Variants in ENOX1 observed in about 807,000 individuals in gnomAD.
ENOX1 encodes ecto-NOX disulfide-thiol exchanger 1.
A neutral mutation model predicts 82.5 loss-of-function variants in ENOX1; 42 were observed. The observed-to-expected ratio is 0.51, with a 90% CI of 0.40 to 0.66. The LOEUF is 0.66. Among genes scored for constraint, ENOX1 ranks in the 30% least tolerant of loss-of-function variants. The pLI is 0.00. For synonymous variants in ENOX1, 271 were observed against 282.2 expected (o/e 0.96, Z 0.40); for missense variants, 608 against 811.6 (o/e 0.75, Z 3.05).
At chr13:43,628,476 G>A (rs530646269) in intron 2 of ENOX1, among the ~76,000 whole-genome samples, 1 of 152,138 alleles carries the variant, frequency 6.6e-6, no homozygotes, top group East Asian at 1.9e-4. Context: ...TCCTTGGTGA[G>A]ACTTTCTATT....
At chr13:43,614,490 AG>A (rs2082323988) in intron 2 of ENOX1, among the ~76,000 whole-genome samples, 1 of 151,180 alleles carries the variant, frequency 6.6e-6, no homozygotes, top group Non-Finnish European at 1.5e-5. Context: ...TCAAGCTAAA[AG>A]TGCAAACAGT....
At chr13:43,417,880 C>A (rs1030638594) in intron 3 of ENOX1, among the ~76,000 whole-genome samples, 1 of 152,170 alleles carries the variant, frequency 6.6e-6, no homozygotes, top group Non-Finnish European at 1.5e-5. Context: ...TCAGTTGGAG[C>A]ACAATATTTC....
rs537412115 is a variant in ENOX1 at position 43,669,451 on chromosome 13, C to T, written c.-284-1907G>A. On this transcript the variant is annotated intron_variant, in intron 1 of 16. Coordinates refer to ENST00000690772, the MANE Select transcript of ENOX1 (RefSeq NM_001347969.2). ...GTGCCCTCCTATCTCTAATTCAACT[C>T]CCTTCTTTTCCCTTTCAATCTGCCC... Among the ~76,000 whole-genome samples, 3 of 152,302 alleles carry T rather than the reference C, an allele frequency of 2.0e-5. No individual in the cohort carries two copies. In the South Asian group the frequency reaches 6.2e-4, roughly 32 times the overall value.
At chr13:43,417,963 C>T (rs903935255) in intron 3 of ENOX1, among the ~76,000 whole-genome samples, 3 of 152,194 alleles carry the variant, frequency 2.0e-5, no homozygotes, top group African/African-American at 7.2e-5. Flanking sequence ...AATCCCAGCA[C>T]TTTGGGAGGC....
chr13:43,247,858 TATATA>T lies in ENOX1; in HGVS notation c.1612-11125_1612-11121del, dbSNP rs2043190843. Among the ~76,000 whole-genome samples, 14 of 3,848 alleles carry T rather than the reference TATATA, an allele frequency of 3.6e-3. 2 individuals carry two copies. The highest frequency in any genetic ancestry group is 5.9e-3 in the Non-Finnish European group (13 of 2,190). The allele number at this position is 3,848 out of a possible 152,430, so 2.5% of individuals were successfully genotyped here. On this transcript the variant is annotated intron_variant, in intron 14 of 16. Coordinates refer to ENST00000690772, the MANE Select transcript of ENOX1 (RefSeq NM_001347969.2). ...ATATATATATATATATATATATATA[TATATA>T]TATATATATATATATATATATTTTT...
chr13:43,299,282 CCGAAA>C (rs2046443246), intron 11 of ENOX1, among the ~76,000 whole-genome samples: 1 of 152,070 alleles, frequency 6.6e-6, no homozygotes, highest in Admixed American at 6.5e-5. Flanking sequence ...TCAGAAATAG[CCGAAA>C]CTGAAAAAGA....
rs181441119 is a variant in ENOX1 at position 43,422,706 on chromosome 13, G to A, written c.-74-9718C>T. On this transcript the variant is annotated intron_variant, in intron 3 of 16. Transcript: ENST00000690772. Reference sequence around the variant, plus strand: ...CAAACAAAATGACCAAATTTGCCAAGGAGACAACTCAACTAGCATGTGCAG... The same window carrying A: ...CAAACAAAATGACCAAATTTGCCAAAGAGACAACTCAACTAGCATGTGCAG... Among the ~76,000 whole-genome samples the A allele has an allele frequency of 2.4e-3, 359 of 152,196 alleles. 1 individual carries two copies. The highest frequency in any genetic ancestry group is 0.019 in the South Asian group (90 of 4,816).
intron 2 of ENOX1, among the ~76,000 whole-genome samples, chr13:43,542,495 C>G (rs923754237): frequency 1.4e-5 from 2 of 142,346 alleles, no homozygotes; most frequent in African/African-American, 5.3e-5. Flanking sequence ...GAGTGCAGTG[C>G]CACGATCTTG....
chr13:43,235,520 G>T (rs1192549008), intron 15 of ENOX1, among the ~76,000 whole-genome samples: 1 of 152,092 alleles, frequency 6.6e-6, no homozygotes, highest in Non-Finnish European at 1.5e-5. Flanking sequence ...ATCACCTGAG[G>T]TCAGGAGTTT....
intron 3 of ENOX1, among the ~76,000 whole-genome samples, chr13:43,467,225 A>G (rs950635867): frequency 4.6e-5 from 7 of 152,204 alleles, no homozygotes; most frequent in African/African-American, 7.2e-5. Flanking sequence ...TTACAATCCC[A>G]TCAAAATGCA....
Position 43,786,314 on chromosome 13 carries a change from T to A in ENOX1, c.-285+338A>T, listed in dbSNP as rs1233786142. Among the ~76,000 whole-genome samples, 1 of 149,738 alleles carries A rather than the reference T, an allele frequency of 6.7e-6. No individual in the cohort carries two copies. Among genetic ancestry groups the A allele is most frequent in the Non-Finnish European group, 1.5e-5 (1 of 67,454 alleles). ...TGCGCTGTCCAAGGTGCAGGGGAGG[T>A]GACTGGCGCGCGGCGGGCGCGGAGC... On this transcript the variant is annotated intron_variant, in intron 1 of 16. Coordinates refer to ENST00000690772, the MANE Select transcript of ENOX1 (RefSeq NM_001347969.2). The surrounding 1 kb of genome is among the most constrained non-coding windows in gnomAD (Gnocchi z 6.0).
chr13:43,764,290 G>A (rs1310296687), intron 1 of ENOX1, among the ~76,000 whole-genome samples: 4 of 152,166 alleles, frequency 2.6e-5, no homozygotes, highest in Non-Finnish European at 1.5e-5. Context: ...AATGATTGGA[G>A]AGTTAGATAA....
At chr13:43,449,879 A>G (rs531321181) in intron 3 of ENOX1, among the ~76,000 whole-genome samples, 2 of 152,340 alleles carry the variant, frequency 1.3e-5, no homozygotes, top group South Asian at 4.1e-4. Flanking sequence ...AGTTATTTCT[A>G]TCTAAAGCAT....
intron 2 of ENOX1, among the ~76,000 whole-genome samples, chr13:43,655,351 C>G (rs1008693054): frequency 6.6e-6 from 1 of 151,108 alleles, no homozygotes; most frequent in Non-Finnish European, 1.5e-5. Context: ...GGTCACTTTG[C>G]TTTTTGTTTT....
chr13:43,299,817 G>A (rs1035737041), intron 11 of ENOX1, among the ~76,000 whole-genome samples: 6 of 152,140 alleles, frequency 3.9e-5, no homozygotes, highest in African/African-American at 9.7e-5. Flanking sequence ...ATAAGGGCAC[G>A]GTGTGGAGCC....
intron 2 of ENOX1, among the ~76,000 whole-genome samples, chr13:43,642,590 A>G (rs190905018): frequency 6.6e-6 from 1 of 152,332 alleles, no homozygotes; most frequent in African/African-American, 2.4e-5. Flanking sequence ...AACTTAGGGC[A>G]GAAGCACCCA....
At chr13:43,668,175 A>G (rs769365134) in intron 1 of ENOX1, among the ~76,000 whole-genome samples, 9 of 152,178 alleles carry the variant, frequency 5.9e-5, no homozygotes, top group Non-Finnish European at 1.0e-4. Flanking sequence ...AGGCAGCAAA[A>G]TCAGCCTCAC....
chr13:43,717,591 C>A (rs939403520), intron 1 of ENOX1, among the ~76,000 whole-genome samples: 4 of 152,142 alleles, frequency 2.6e-5, no homozygotes, highest in Non-Finnish European at 5.9e-5. Context: ...AAACTATCAA[C>A]AGGGTAAACA....
intron 1 of ENOX1, among the ~76,000 whole-genome samples, chr13:43,738,480 CTATT>C (rs1395281825): frequency 1.3e-5 from 2 of 152,154 alleles, no homozygotes; most frequent in African/African-American, 4.8e-5. Context: ...TTAACAGTCT[CTATT>C]TAGATAATCC....
Sources: allele counts gnomAD v4.1 joint callset (sites outside exome capture counted in the v4.1 genomes callset), GRCh38; gene constraint gnomAD v4.1.1; non-coding constraint Gnocchi (gnomAD v3.1); transcripts MANE v1.5; gene names NCBI Gene and HGNC (gene_info 2026-07-23, HGNC 2026-07-21).